Variants in KIF11 observed in about 807,000 individuals in gnomAD.
The protein encoded by KIF11 is kinesin-like protein KIF11.
KIF11 carries 9 observed loss-of-function variants against 121.0 expected under a neutral mutation model. The observed-to-expected ratio is 0.07, with a 90% CI of 0.04 to 0.13. The LOEUF (loss-of-function observed/expected upper bound fraction) is 0.13, where lower values mean the gene tolerates loss of function less well. Among genes scored for constraint, KIF11 ranks in the 10% least tolerant of loss-of-function variants. The probability of loss-of-function intolerance (pLI) is 1.00; values close to 1 mark genes in which losing one functional copy is unlikely to be tolerated. For missense variants in KIF11, 846 were observed against 1,217.5 expected (o/e 0.69, Z 4.54); for synonymous variants, 408 against 421.0 (o/e 0.97, Z 0.38).
chr10:92,637,613 A>G, intron 16 of KIF11, 68 bp downstream of exon 16: 1 of 1,445,296 alleles, frequency 6.9e-7, no homozygotes, highest in South Asian at 1.3e-5. Flanking sequence ...TGACTTGATA[A>G]TTAATCTATG....
At chr10:92,632,790 A>G (rs943494064) in intron 13 of KIF11, 97 bp downstream of exon 13, 4 of 670,854 alleles carry the variant, frequency 6.0e-6, no homozygotes, top group Non-Finnish European at 1.0e-5. Flanking sequence ...GGTGTCACCA[A>G]TACTCTCTAC....
intron 17 of KIF11, 47 bp from the exon 18 acceptor site, chr10:92,645,316 T>G: frequency 8.2e-5 from 114 of 1,396,942 alleles, no homozygotes; most frequent in Non-Finnish European, 1.0e-4. Context: ...ATATATCCTT[T>G]GAGTCTTAAT....
intron 1 of KIF11, among the ~76,000 whole-genome samples, chr10:92,601,917 T>C (rs1457198998): frequency 6.6e-6 from 1 of 152,148 alleles, no homozygotes; most frequent in African/African-American, 2.4e-5. Flanking sequence ...CATATGTTGC[T>C]TTTATTTTGT....
intron 1 of KIF11, among the ~76,000 whole-genome samples, chr10:92,596,523 C>T (rs1303293140): frequency 2.7e-5 from 4 of 146,126 alleles, no homozygotes; most frequent in African/African-American, 5.3e-5. Context: ...TCCTCACCAA[C>T]GTTTATTTTC....
Position 92,633,785 on chromosome 10 carries a change from A to C in KIF11, c.1865A>C (p.Gln622Pro). The C allele has an allele frequency of 6.4e-7, 1 of 1,572,242 alleles. No individual in the cohort carries two copies. Among genetic ancestry groups the C allele is most frequent in the Non-Finnish European group, 8.7e-7 (1 of 1,150,312 alleles). Residue 622 changes from glutamine to proline, a missense_variant, in exon 14 of 22, where the codon CAG becomes CCG. Gln to Pro is a moderately conservative substitution (Grantham distance 76, BLOSUM62 -1). Around this residue, in one of 5 missense-constraint regions of KIF11, gnomAD observed 492 missense variants for 603.4 expected, o/e 0.82. Coordinates refer to ENST00000260731, the MANE Select transcript of KIF11 (RefSeq NM_004523.4). Reference protein sequence around the residue: ...SLAAESKTVLQELINVLKTDL... With the variant: ...SLAAESKTVLPELINVLKTDL... Reference sequence around the variant, plus strand: ...GCAGCAGAAAGTAAAACTGTACTACAGGAATTGATTGTTAGTACATCCTTT... The same window carrying C: ...GCAGCAGAAAGTAAAACTGTACTACCGGAATTGATTGTTAGTACATCCTTT...
chr10:92,615,268 T>C (rs1180725280), intron 8 of KIF11, among the ~76,000 whole-genome samples: 1 of 151,992 alleles, frequency 6.6e-6, no homozygotes, highest in Non-Finnish European at 1.5e-5. Flanking sequence ...TAGCTGGGCA[T>C]GGTGGTGCGC....
chr10:92,640,676 C>T (rs977104834), intron 17 of KIF11, among the ~76,000 whole-genome samples: 43 of 152,240 alleles, frequency 2.8e-4, no homozygotes, highest in Non-Finnish European at 2.6e-4. Flanking sequence ...GTGATCCGCC[C>T]GCCTCGGCCT....
intron 1 of KIF11, among the ~76,000 whole-genome samples, chr10:92,604,563 C>A (rs1335243493): frequency 6.6e-6 from 1 of 152,164 alleles, no homozygotes; most frequent in Non-Finnish European, 1.5e-5. Context: ...TTACCAGATA[C>A]TACCTGGGAG....
intron 17 of KIF11, among the ~76,000 whole-genome samples, chr10:92,640,750 AAAAC>A (rs547713750): frequency 1.6e-3 from 245 of 149,842 alleles, no homozygotes; most frequent in Non-Finnish European, 2.4e-3. Flanking sequence ...TTTTCAGACA[AAAAC>A]AAACAGCCTG....
chr10:92,635,020 T>G (rs1844782121), intron 14 of KIF11, among the ~76,000 whole-genome samples: 1 of 152,242 alleles, frequency 6.6e-6, no homozygotes, highest in Non-Finnish European at 1.5e-5. Flanking sequence ...CACTTAATAT[T>G]ACCTCCTTCA....
chr10:92,651,951 A>G (rs1319257999), intron 21 of KIF11, among the ~76,000 whole-genome samples: 1 of 134,566 alleles, frequency 7.4e-6, no homozygotes, highest in Non-Finnish European at 1.6e-5. Flanking sequence ...TGAGATGCAT[A>G]TGCTTGTACC....
At chr10:92,605,480 G>A (rs887412891) in intron 1 of KIF11, among the ~76,000 whole-genome samples, 6 of 123,468 alleles carry the variant, frequency 4.9e-5, no homozygotes, top group South Asian at 2.6e-4. Flanking sequence ...TAATTTGATC[G>A]GATTTTTTTT....
chr10:92,609,306 G>GTGTA (rs1161532113), intron 5 of KIF11, 79 bp from the exon 6 acceptor site: 1 of 595,334 alleles, frequency 1.7e-6, no homozygotes, highest in Non-Finnish European at 2.2e-6. Context: ...GAGAGAGAGT[G>GTGTA]TGTGTGTGTG....
Position 92,614,734 on chromosome 10 carries a change from C to T in KIF11, c.1032+1115C>T, listed in dbSNP as rs145724569. Among the ~76,000 whole-genome samples, 11 of 152,114 alleles carry T rather than the reference C, an allele frequency of 7.2e-5. No individual in the cohort carries two copies. The East Asian group carries it at 1.2e-3, about 16-fold the overall frequency. Reference sequence around the variant, plus strand: ...AAAGTAACAAAGATGGTAAAATGTACGCTTATTTTATTGCTATCATCTGCC... The same window carrying T: ...AAAGTAACAAAGATGGTAAAATGTATGCTTATTTTATTGCTATCATCTGCC... On this transcript the variant is annotated intron_variant, in intron 8 of 21. Transcript: ENST00000260731.
chr10:92,640,936 T>A (rs34848251), intron 17 of KIF11, among the ~76,000 whole-genome samples: 2,330 of 151,724 alleles, frequency 0.015, 24 homozygotes, highest in Non-Finnish European at 0.026. Context: ...TTAGTAGAGA[T>A]GGGGTTTCGC....
chr10:92,637,380 T>G lies in KIF11; in HGVS notation c.2002-7T>G. On this transcript the variant is annotated splice_polypyrimidine_tract_variant and splice_region_variant and intron_variant, in intron 15 of 21. Coordinates refer to ENST00000260731, the MANE Select transcript of KIF11 (RefSeq NM_004523.4). ...TAAGAAGGAAACTCATTTTTGTTTC[T>G]TCAAAGATAGAAGATCAAAAAAAGG... The G allele has an allele frequency of 6.3e-7, 1 of 1,578,984 alleles. No individual in the cohort carries two copies. Among genetic ancestry groups the G allele is most frequent in the South Asian group, 1.2e-5 (1 of 84,436 alleles).
intron 13 of KIF11, 24 bp from the exon 14 acceptor site, chr10:92,633,599 T>G: frequency 1.3e-6 from 2 of 1,539,260 alleles, no homozygotes; most frequent in East Asian, 4.5e-5. Flanking sequence ...AAAGTTTACA[T>G]CTTTCTGTTT....
chr10:92,627,955 C>T (rs748198876), intron 10 of KIF11, among the ~76,000 whole-genome samples: 89 of 152,126 alleles, frequency 5.9e-4, no homozygotes, highest in Non-Finnish European at 8.8e-4. Flanking sequence ...CATTTCTAGT[C>T]CCTAAACCTT....
chr10:92,651,662 G>A (rs923115961), intron 21 of KIF11, among the ~76,000 whole-genome samples: 3 of 150,714 alleles, frequency 2.0e-5, no homozygotes, highest in South Asian at 2.1e-4. Flanking sequence ...CCACCGGCCC[G>A]GCCCCTCCTA....
Sources: allele counts gnomAD v4.1 joint callset (sites outside exome capture counted in the v4.1 genomes callset), GRCh38; gene constraint gnomAD v4.1.1; regional missense constraint gnomAD v4.1.1; transcripts MANE v1.5; gene names NCBI Gene and HGNC (gene_info 2026-07-23, HGNC 2026-07-21).